The following DLGAP2 variants were observed in gnomAD, a reference collection of about 807,000 sequenced individuals.
DLGAP2 encodes DLG associated protein 2.
Under a neutral mutation model 100.3 loss-of-function variants are expected in DLGAP2, and 26 were observed. The ratio of observed to expected loss-of-function variants is 0.26; its 90% CI spans 0.19 to 0.36. The LOEUF (loss-of-function observed/expected upper bound fraction) is 0.36. Among genes scored for constraint, DLGAP2 ranks in the 10% least tolerant of loss-of-function variants. The pLI, the probability that DLGAP2 is intolerant of heterozygous loss-of-function variation, is 1.00. For synonymous variants in DLGAP2, 886 were observed against 630.1 expected (o/e 1.41, Z -6.08); for missense variants, 1,858 against 1,453.2 (o/e 1.28, Z -4.53).
At chr8:1,235,596 C>T (rs1357339411) in intron 2 of DLGAP2, among the ~76,000 whole-genome samples, 1 of 120,600 alleles carries the variant, frequency 8.3e-6, no homozygotes, top group Non-Finnish European at 1.6e-5. Context: ...AGTTCTCTCA[C>T]ATGGTGCCGT....
intron 5 of DLGAP2, among the ~76,000 whole-genome samples, chr8:1,556,940 G>T (rs918394891): frequency 6.6e-6 from 1 of 152,012 alleles, no homozygotes; most frequent in Non-Finnish European, 1.5e-5. Context: ...GCTCAGCACA[G>T]CGGGATGGGG....
chr8:1,211,134 G>C (rs1248074349), intron 2 of DLGAP2, among the ~76,000 whole-genome samples: 1 of 152,212 alleles, frequency 6.6e-6, no homozygotes, highest in East Asian at 1.9e-4. Context: ...AATGTTCCGT[G>C]GTTTTGCAAC....
In DLGAP2 at chr8:1,185,566, C is replaced by G. The variant is rs78233613; in HGVS notation, c.74-73285C>G. Among the ~76,000 whole-genome samples the G allele has an allele frequency of 4.2e-3, 644 of 152,282 alleles. 1 individual carries two copies. Among genetic ancestry groups the G allele is most frequent in the African/African-American group, 0.015 (620 of 41,550 alleles). On this transcript the variant is annotated intron_variant, in intron 2 of 14. Transcript: ENST00000637795. ...ATTCCACAAAACATCCTAACATCCA[C>G]TAGTCATTTATTGACTCGCTAATTC...
intron 2 of DLGAP2, among the ~76,000 whole-genome samples, chr8:1,094,080 C>T (rs1276654284): frequency 5.8e-5 from 8 of 138,374 alleles, no homozygotes; most frequent in African/African-American, 1.3e-4. Flanking sequence ...GCGAGGTGGG[C>T]GGAGGGCAGC....
chr8:1,319,207 G>T (rs934757700), intron 3 of DLGAP2, among the ~76,000 whole-genome samples: 1 of 152,128 alleles, frequency 6.6e-6, no homozygotes. Flanking sequence ...TGGTCAGGGC[G>T]TCTGCTGCCA....
At chr8:1,165,219 G>T (rs1271195754) in intron 2 of DLGAP2, among the ~76,000 whole-genome samples, 1 of 150,740 alleles carries the variant, frequency 6.6e-6, no homozygotes, top group African/African-American at 2.5e-5. Context: ...GGAGATGGGG[G>T]GGCGGGAGGA....
At chr8:1,604,016 G>T (rs761752614) in intron 6 of DLGAP2, among the ~76,000 whole-genome samples, 1 of 152,108 alleles carries the variant, frequency 6.6e-6, no homozygotes, top group East Asian at 1.9e-4. Flanking sequence ...CAAGCCAGCT[G>T]CGGCCACACA....
chr8:1,687,658 G>C (rs1293358629), intron 12 of DLGAP2, among the ~76,000 whole-genome samples: 1 of 152,128 alleles, frequency 6.6e-6, no homozygotes, highest in Admixed American at 6.5e-5. Flanking sequence ...TCGATACCAA[G>C]ATTTTGCCCA....
rs149075806 is a variant in DLGAP2 at position 1,419,049 on chromosome 8, G to A, written c.107-82317G>A. On this transcript the variant is annotated intron_variant, in intron 3 of 14. Coordinates refer to ENST00000637795, the MANE Select transcript of DLGAP2 (RefSeq NM_001346810.2). ...GAGGCCAGGGCCATGTGGACTCTCC[G>A]TGCCCTCTCTGGGCACCGCCTCCCT... 7.7e-3 allele frequency among the ~76,000 whole-genome samples: 1,175 copies of A among 152,374 alleles called. 8 individuals are homozygous for A. The highest frequency in any genetic ancestry group is 0.027 in the Middle Eastern group (8 of 294).
chr8:1,431,431 C>T (rs116893294), intron 3 of DLGAP2, among the ~76,000 whole-genome samples: 2,705 of 152,314 alleles, frequency 0.018, 20 homozygotes, highest in Middle Eastern at 0.048. Context: ...AGCTCAGTTC[C>T]GTTGGCTGAC....
At chr8:1,134,285 T>G (rs1196862313) in intron 2 of DLGAP2, among the ~76,000 whole-genome samples, 1 of 152,192 alleles carries the variant, frequency 6.6e-6, no homozygotes, top group South Asian at 2.1e-4. Flanking sequence ...TTGTGAATAG[T>G]GCTGCAATGA....
intron 2 of DLGAP2, among the ~76,000 whole-genome samples, chr8:1,073,900 AC>A (rs1389781917): frequency 2.6e-5 from 4 of 152,250 alleles, no homozygotes; most frequent in Admixed American, 2.6e-4. Flanking sequence ...GACTGAACTC[AC>A]CCGGCTGCGT....
rs140186021 is a variant in DLGAP2 at position 1,005,900 on chromosome 8, G to A, written c.73+97934G>A. 2.3e-3 allele frequency among the ~76,000 whole-genome samples: 353 copies of A among 152,296 alleles called. 1 individual carries two copies. The highest frequency in any genetic ancestry group is 7.8e-3 in the African/African-American group (326 of 41,552). ...AGAACCAGAACTTACGTAACGGGGA[G>A]TGAGGGAGATCAAAGAAATCTCACA... On this transcript the variant is annotated intron_variant, in intron 2 of 14. Coordinates refer to ENST00000637795, the MANE Select transcript of DLGAP2 (RefSeq NM_001346810.2).
intron 3 of DLGAP2, among the ~76,000 whole-genome samples, chr8:1,270,658 G>C (rs1170416836): frequency 6.6e-6 from 1 of 151,696 alleles, no homozygotes; most frequent in African/African-American, 2.4e-5. Context: ...CCTTAAAATT[G>C]TGTGTCTCTG....
chr8:903,945 A>G (rs982278402), intron 1 of DLGAP2, among the ~76,000 whole-genome samples: 2 of 152,206 alleles, frequency 1.3e-5, no homozygotes, highest in African/African-American at 4.8e-5. Context: ...GCGGAGCTGC[A>G]CGGGAGGCAT....
intron 4 of DLGAP2, among the ~76,000 whole-genome samples, chr8:1,528,253 C>T (rs1800863448): frequency 6.6e-6 from 1 of 152,180 alleles, no homozygotes. Context: ...AGGTCTAGGC[C>T]CAAGCAGGAG....
chr8:1,527,732 C>T lies in DLGAP2; in HGVS notation c.173-20894C>T, dbSNP rs1800840725. Among the ~76,000 whole-genome samples the T allele has an allele frequency of 2.0e-5, 3 of 152,272 alleles. No individual in the cohort carries two copies. The East Asian group carries it at 5.8e-4, about 29-fold the overall frequency. On this transcript the variant is annotated intron_variant, in intron 4 of 14. Transcript: ENST00000637795. ...ATGCACGGCGTAACTGGGGCTGGCA[C>T]GAGGGGTCAAGGACAAGCAGGACTC...
chr8:1,463,091 A>T (rs563881516), intron 3 of DLGAP2, among the ~76,000 whole-genome samples: 1 of 152,158 alleles, frequency 6.6e-6, no homozygotes, highest in Admixed American at 6.5e-5. Flanking sequence ...TCTACTAAAA[A>T]TACAAAAATT....
At chr8:1,431,716 C>G (rs1797447544) in intron 3 of DLGAP2, among the ~76,000 whole-genome samples, 1 of 152,174 alleles carries the variant, frequency 6.6e-6, no homozygotes, top group Non-Finnish European at 1.5e-5. Flanking sequence ...CCCGGGCTTA[C>G]TCTCCTGGGC....
Sources: gnomAD v4.1 joint callset for allele counts (sites outside exome capture counted in the v4.1 genomes callset) on GRCh38, gnomAD v4.1.1 for gene constraint, MANE v1.5 for transcripts, NCBI Gene and HGNC (gene_info 2026-07-23, HGNC 2026-07-21) for gene names.